The following EXT1 variants were observed in gnomAD, a reference collection of about 807,000 sequenced individuals.
EXT1 encodes exostosin glycosyltransferase 1.
Under a neutral mutation model 82.5 loss-of-function variants are expected in EXT1, and 20 were observed. The ratio of observed to expected loss-of-function variants is 0.24; its 90% CI spans 0.17 to 0.35. The LOEUF (loss-of-function observed/expected upper bound fraction) is 0.35. EXT1 is among the 10% of genes least tolerant of loss of function. The pLI is 1.00. For synonymous variants in EXT1, 348 were observed against 350.8 expected (o/e 0.99, Z 0.09); for missense variants, 757 against 936.5 (o/e 0.81, Z 2.50).
chr8:118,043,762 T>A (rs910511728), intron 1 of EXT1, among the ~76,000 whole-genome samples: 1 of 152,214 alleles, frequency 6.6e-6, no homozygotes, highest in Non-Finnish European at 1.5e-5. Flanking sequence ...GTGCTTGTTA[T>A]GTTTTATTTC....
intron 1 of EXT1, among the ~76,000 whole-genome samples, chr8:118,109,528 G>C (rs998782351): frequency 6.6e-6 from 1 of 152,126 alleles, no homozygotes; most frequent in Admixed American, 6.5e-5. Flanking sequence ...ACGGGGGAGA[G>C]AGGAAAGGGC....
chr8:117,931,853 C>A (rs542545379), intron 1 of EXT1, among the ~76,000 whole-genome samples: 2 of 152,276 alleles, frequency 1.3e-5, no homozygotes, highest in Admixed American at 1.3e-4. Context: ...TGCATTCACT[C>A]CCTCTGGGTC....
intron 1 of EXT1, among the ~76,000 whole-genome samples, chr8:117,956,601 C>T (rs1450963304): frequency 6.6e-6 from 1 of 152,118 alleles, no homozygotes; most frequent in Non-Finnish European, 1.5e-5. Context: ...CATCACCATA[C>T]CTGGCTAATT....
chr8:118,071,447 T>C (rs762976550), intron 1 of EXT1, among the ~76,000 whole-genome samples: 1 of 149,456 alleles, frequency 6.7e-6, no homozygotes, highest in Non-Finnish European at 1.5e-5. Context: ...AAAATCTCCA[T>C]GACGGAAAGA....
chr8:118,041,705 G>GGAAGGAAGGAAGGAAGGAAA (rs1563637841), intron 1 of EXT1, among the ~76,000 whole-genome samples: 108 of 150,518 alleles, frequency 7.2e-4, no homozygotes, highest in African/African-American at 2.6e-3. Flanking sequence ...AAGGAAGGAA[G>GGAAGGAAGGAAGGAAGGAAA]GAAGGAAGGA....
At chr8:117,935,855 G>C (rs1270604498) in intron 1 of EXT1, among the ~76,000 whole-genome samples, 1 of 151,998 alleles carries the variant, frequency 6.6e-6, no homozygotes, top group African/African-American at 2.4e-5. Flanking sequence ...AAACACTAAG[G>C]GCAGGTATAA....
At chr8:117,928,320 A>G (rs1264289997) in intron 1 of EXT1, among the ~76,000 whole-genome samples, 2 of 152,240 alleles carry the variant, frequency 1.3e-5, no homozygotes, top group African/African-American at 4.8e-5. Flanking sequence ...TGCCCAGCCT[A>G]TTACCTTAAG....
At chr8:117,811,713 T>A (rs1287613294) in intron 8 of EXT1, among the ~76,000 whole-genome samples, 2 of 151,358 alleles carry the variant, frequency 1.3e-5, no homozygotes, top group Non-Finnish European at 2.9e-5. Flanking sequence ...GCCTCTTAGG[T>A]TCAAGCGATT....
chr8:118,018,066 G>A (rs146387411), intron 1 of EXT1, among the ~76,000 whole-genome samples: 3 of 152,302 alleles, frequency 2.0e-5, no homozygotes, highest in African/African-American at 7.2e-5. Flanking sequence ...GTATAGAACA[G>A]TGTGATATAT....
chr8:117,936,888 A>G (rs562406483), intron 1 of EXT1, among the ~76,000 whole-genome samples: 4 of 151,976 alleles, frequency 2.6e-5, no homozygotes, highest in Admixed American at 1.3e-4. Context: ...AAATAAATAA[A>G]TAAACAAACA....
intron 1 of EXT1, among the ~76,000 whole-genome samples, chr8:117,850,719 T>C (rs924568519): frequency 1.3e-5 from 2 of 152,184 alleles, no homozygotes; most frequent in African/African-American, 4.8e-5. Flanking sequence ...TTGGGGATAA[T>C]GATATCTGAC....
At chr8:117,835,142 T>C (rs1812168675) in intron 3 of EXT1, among the ~76,000 whole-genome samples, 1 of 152,198 alleles carries the variant, frequency 6.6e-6, no homozygotes, top group Non-Finnish European at 1.5e-5. Context: ...AAAAACTCTC[T>C]GGTAATATTT....
In EXT1 at chr8:118,014,698, G is replaced by A. The variant is rs182818161; in HGVS notation, c.962+95387C>T. Reference sequence around the variant, plus strand: ...CAAGTGATCCCCTCGCCTCAGCCCCGAAAGTGCTGGGATTATAGGTAGGAG... The same window carrying A: ...CAAGTGATCCCCTCGCCTCAGCCCCAAAAGTGCTGGGATTATAGGTAGGAG... On this transcript the variant is annotated intron_variant, in intron 1 of 10. Coordinates refer to ENST00000378204, the MANE Select transcript of EXT1 (RefSeq NM_000127.3). Among the ~76,000 whole-genome samples the A allele has an allele frequency of 1.3e-3, 191 of 152,092 alleles. 1 individual carries two copies. The highest frequency in any genetic ancestry group is 4.3e-3 in the African/African-American group (179 of 41,482).
In EXT1 at chr8:117,807,463, T is replaced by G; in HGVS notation, c.1723-86A>C. Reference sequence around the variant, plus strand: ...TTACCTTCTCCCCACTAATTCATAATGCAAAATCCGGGGACTGTGGCGAAA... The same window carrying G: ...TTACCTTCTCCCCACTAATTCATAAGGCAAAATCCGGGGACTGTGGCGAAA... On this transcript the variant is annotated intron_variant, in intron 8 of 10. Coordinates refer to ENST00000378204, the MANE Select transcript of EXT1 (RefSeq NM_000127.3). The G allele has an allele frequency of 2.0e-6, 3 of 1,488,062 alleles. 1 individual carries two copies. In the South Asian group the frequency reaches 3.5e-5, roughly 17 times the overall value. The allele number at this position is 1,488,062 out of a possible 1,614,324, so 92.2% of individuals were successfully genotyped here.
chr8:117,965,471 C>T (rs570274724), intron 1 of EXT1, among the ~76,000 whole-genome samples: 4 of 152,160 alleles, frequency 2.6e-5, no homozygotes, highest in African/African-American at 9.6e-5. Context: ...CCTTGAAAGA[C>T]CACCAAGAGT....
chr8:117,979,216 T>TG (rs996661237), intron 1 of EXT1, among the ~76,000 whole-genome samples: 11 of 151,698 alleles, frequency 7.3e-5, no homozygotes, highest in African/African-American at 2.7e-4. Flanking sequence ...GGCCGGGCAC[T>TG]GGGGGGGTGC....
chr8:117,972,006 C>T (rs1029643121), intron 1 of EXT1, among the ~76,000 whole-genome samples: 2 of 151,886 alleles, frequency 1.3e-5, no homozygotes, highest in African/African-American at 2.4e-5. Context: ...CAAAATTAGC[C>T]GAGCGTGGTG....
In EXT1 at chr8:117,798,163, T is replaced by C. The variant is rs1455395768; in HGVS notation, c.*1549A>G. The C allele has an allele frequency of 6.6e-6, 1 of 152,202 alleles. No homozygotes were observed. The highest frequency in any genetic ancestry group is 1.5e-5 in the Non-Finnish European group (1 of 68,016). The allele number at this position is 152,202 out of a possible 1,614,324, so 9.4% of individuals were successfully genotyped here. ...CTGACCTAAGATGGCCACTTGAAAT[T>C]ATCAGAACAAAATTCTCTGATGAAC... is the stretch of plus-strand genomic sequence containing the variant. On this transcript the variant is annotated 3_prime_UTR_variant, in exon 11 of 11. Coordinates refer to ENST00000378204, the MANE Select transcript of EXT1 (RefSeq NM_000127.3).
At chr8:118,028,044 T>C (rs1816234477) in intron 1 of EXT1, among the ~76,000 whole-genome samples, 1 of 152,192 alleles carries the variant, frequency 6.6e-6, no homozygotes, top group South Asian at 2.1e-4. Flanking sequence ...CACCTACAAG[T>C]AAAAGTTTTA....
Sources: gnomAD v4.1 joint callset for allele counts (sites outside exome capture counted in the v4.1 genomes callset) on GRCh38, gnomAD v4.1.1 for gene constraint, MANE v1.5 for transcripts, NCBI Gene and HGNC (gene_info 2026-07-23, HGNC 2026-07-21) for gene names.